Variants in STX18 observed in about 807,000 individuals in gnomAD.
The protein encoded by STX18 is syntaxin 18.
In STX18, 40 loss-of-function variants were observed where a neutral mutation model predicts 50.1. The observed-to-expected ratio is 0.80, with a 90% CI of 0.62 to 1.04. The LOEUF (loss-of-function observed/expected upper bound fraction) is 1.04, where lower values mean the gene tolerates loss of function less well. STX18 is among the 50% of genes least tolerant of loss of function. The pLI is 0.00. For missense variants in STX18, 410 were observed against 415.8 expected (o/e 0.99, Z 0.12); for synonymous variants, 158 against 151.8 (o/e 1.04, Z -0.30).
chr4:4,487,089 T>C (rs1728731030), intron 1 of STX18, among the ~76,000 whole-genome samples: 1 of 152,176 alleles, frequency 6.6e-6, no homozygotes, highest in South Asian at 2.1e-4. Flanking sequence ...TCAGGTTAAG[T>C]GCCTCTGATT....
chr4:4,457,434 T>C lies in STX18; in HGVS notation c.419A>G (p.Asp140Gly), dbSNP rs1293004739. ...HRTAVLDFIE[D>G]YLKRVCKLYS... ...AGAAAATGAAATACTTTTCAAGTAA[T>C]CTTCAATGAAATCCAAAACAGCGGT... Residue 140 changes from aspartate (D) to glycine (G), a missense_variant, in exon 4 of 11, where the codon GAT becomes GGT. By Grantham distance (94) the Asp-to-Gly change is moderately conservative. Transcript: ENST00000306200. 4.3e-6 allele frequency: 7 copies of C among 1,613,446 alleles called. No homozygotes were observed. Among genetic ancestry groups the C allele is most frequent in the Non-Finnish European group, 5.9e-6 (7 of 1,179,564 alleles).
Position 4,447,731 on chromosome 4 carries a change from G to A in STX18, c.498-9222C>T, listed in dbSNP as rs374014440. 2.4e-4 allele frequency among the ~76,000 whole-genome samples: 36 copies of A among 149,450 alleles called. No individual in the cohort carries two copies. In the East Asian group the frequency reaches 6.8e-3, roughly 28 times the overall value. ...CACATAGTAAGAGCTCAAAAAATTA[G>A]CTATTACTACAACGATTACACTACT... On this transcript the variant is annotated intron_variant, in intron 5 of 10. Transcript: ENST00000306200.
At chr4:4,483,386 T>C (rs1286047105) in intron 1 of STX18, among the ~76,000 whole-genome samples, 3 of 152,196 alleles carry the variant, frequency 2.0e-5, no homozygotes, top group Non-Finnish European at 4.4e-5. Context: ...TTTAAAAGAC[T>C]TCTAGGACTC....
At chr4:4,511,081 T>C (rs975627266) in intron 1 of STX18, among the ~76,000 whole-genome samples, 2 of 152,090 alleles carry the variant, frequency 1.3e-5, no homozygotes, top group Non-Finnish European at 2.9e-5. Context: ...ATATGACGGG[T>C]TGACAGGTAC....
At chr4:4,429,820 G>A (rs148245469) in intron 7 of STX18, among the ~76,000 whole-genome samples, 326 of 152,302 alleles carry the variant, frequency 2.1e-3, no homozygotes, top group African/African-American at 7.2e-3. Context: ...GAAAACTGGC[G>A]AGCCCTGCCA....
In STX18 at chr4:4,496,056, T is replaced by C. The variant is rs1419866674; in HGVS notation, c.169-24350A>G. On this transcript the variant is annotated intron_variant, in intron 1 of 10. Coordinates refer to ENST00000306200, the MANE Select transcript of STX18 (RefSeq NM_016930.4). ...ATTAAGACACGTTAAACTTTCCATA[T>C]ACACTTTCAAAAATGAGATTTCTCT... Among the ~76,000 whole-genome samples the C allele has an allele frequency of 2.0e-5, 3 of 152,248 alleles. No individual in the cohort carries two copies. The East Asian group carries it at 5.8e-4, about 29-fold the overall frequency.
chr4:4,468,517 T>C (rs975581615), intron 2 of STX18, among the ~76,000 whole-genome samples: 1 of 152,098 alleles, frequency 6.6e-6, no homozygotes, highest in African/African-American at 2.4e-5. Flanking sequence ...CTGCTTGCTC[T>C]GGAAATAAAG....
chr4:4,472,402 G>A (rs747846960), intron 1 of STX18, among the ~76,000 whole-genome samples: 3 of 152,218 alleles, frequency 2.0e-5, no homozygotes, highest in Admixed American at 6.5e-5. Context: ...AGGGACAAAC[G>A]TGTTTCCAGA....
chr4:4,437,514 A>T, intron 6 of STX18: 1 of 736,672 alleles, frequency 1.4e-6, no homozygotes, highest in Non-Finnish European at 1.7e-6. Flanking sequence ...ATATGCAAAA[A>T]TTTGAAAAAA....
intron 1 of STX18, among the ~76,000 whole-genome samples, chr4:4,498,357 T>A (rs1020006285): frequency 7.2e-5 from 11 of 152,110 alleles, no homozygotes; most frequent in African/African-American, 2.7e-4. Flanking sequence ...CCCAAAATAA[T>A]ATTACTGCCA....
At chr4:4,438,997 CCA>C (rs955967760) in intron 5 of STX18, among the ~76,000 whole-genome samples, 6 of 146,674 alleles carry the variant, frequency 4.1e-5, no homozygotes, top group South Asian at 2.2e-4. Context: ...TATACACACA[CCA>C]CACACACACA....
chr4:4,507,659 A>G, intron 1 of STX18: 1 of 793,210 alleles, frequency 1.3e-6, no homozygotes, highest in Non-Finnish European at 2.3e-6. Flanking sequence ...CAGCCGGCTC[A>G]TAAAGGTTCG....
chr4:4,438,595 C>A (rs911888787), intron 5 of STX18, 86 bp from the exon 6 acceptor site: 5 of 1,093,266 alleles, frequency 4.6e-6, no homozygotes, highest in African/African-American at 1.6e-5. Flanking sequence ...TGTGACCCTG[C>A]GCTTTTGCTC....
chr4:4,450,349 T>C (rs1335313160), intron 5 of STX18, among the ~76,000 whole-genome samples: 1 of 152,178 alleles, frequency 6.6e-6, no homozygotes. Context: ...AGAGACAGTG[T>C]CTCGCTCTGT....
At chr4:4,457,107 T>C (rs1305388274) in intron 5 of STX18, 84 bp downstream of exon 5, 4 of 1,282,006 alleles carry the variant, frequency 3.1e-6, no homozygotes, top group Non-Finnish European at 4.5e-6. Flanking sequence ...GTACATTGCA[T>C]AGGGTAAGTG....
intron 1 of STX18, among the ~76,000 whole-genome samples, chr4:4,491,018 C>T (rs184490650): frequency 1.4e-3 from 216 of 151,978 alleles, no homozygotes; most frequent in Admixed American, 4.6e-3. Flanking sequence ...CAACGTGGTC[C>T]AAATGTACAT....
chr4:4,505,999 A>G (rs1729689563), intron 1 of STX18, among the ~76,000 whole-genome samples: 1 of 152,330 alleles, frequency 6.6e-6, no homozygotes. Flanking sequence ...AGGTACCAGT[A>G]CTTCATTTTT....
rs199852443 is a variant in STX18, at chr4:4,506,611, TAC to T, written c.169-34907_169-34906del. On this transcript the variant is annotated intron_variant, in intron 1 of 10. Transcript: ENST00000306200. ...GGGAAATGGCTATACAAAACACACATACACACACAGGGAGAGAGTACAAGACC... is the reference window on the plus strand; with the variant it reads ...GGGAAATGGCTATACAAAACACACATACACACAGGGAGAGAGTACAAGACC... Among the ~76,000 whole-genome samples the T allele has an allele frequency of 7.7e-3, 1,174 of 152,140 alleles. 10 individuals carry two copies. The highest frequency in any genetic ancestry group is 0.011 in the Non-Finnish European group (735 of 68,002).
chr4:4,432,004 G>T (rs1446650552), intron 7 of STX18, among the ~76,000 whole-genome samples: 3 of 152,218 alleles, frequency 2.0e-5, no homozygotes, highest in Non-Finnish European at 2.9e-5. Context: ...AAGTCATAAG[G>T]TGAATTCTGG....
Sources: gnomAD v4.1 joint callset for allele counts (sites outside exome capture counted in the v4.1 genomes callset) on GRCh38, gnomAD v4.1.1 for gene constraint, MANE v1.5 for transcripts, NCBI Gene and HGNC (gene_info 2026-07-23, HGNC 2026-07-21) for gene names.